UBR4: variants seen among roughly 807,000 people sequenced by gnomAD.
UBR4 encodes ubiquitin protein ligase E3 component n-recognin 4.
Under a neutral mutation model 575.6 loss-of-function variants are expected in UBR4, and 124 were observed. The ratio of observed to expected loss-of-function variants is 0.22; its 90% CI spans 0.19 to 0.25. The LOEUF (loss-of-function observed/expected upper bound fraction) is 0.25. UBR4 is among the 10% of genes least tolerant of loss of function. The probability of loss-of-function intolerance (pLI) is 1.00; values close to 1 mark genes in which losing one functional copy is unlikely to be tolerated. For synonymous variants in UBR4, 2,455 were observed against 2,473.7 expected (o/e 0.99, Z 0.22); for missense variants, 4,818 against 6,478.8 (o/e 0.74, Z 8.80).
intron 17 of UBR4, among the ~76,000 whole-genome samples, chr1:19,182,157 A>C (rs2091033563): frequency 6.6e-6 from 1 of 152,144 alleles, no homozygotes; most frequent in Admixed American, 6.5e-5. Flanking sequence ...AGGCTGTATA[A>C]CATTCATTGT....
rs564589454 is a variant in UBR4, at chr1:19,138,766, T to C, written c.8731+317A>G. 7.9e-5 allele frequency among the ~76,000 whole-genome samples: 12 copies of C among 152,328 alleles called. No individual in the cohort carries two copies. The South Asian group carries it at 1.7e-3, about 21-fold the overall frequency. On this transcript the variant is annotated intron_variant, in intron 59 of 105. Coordinates refer to ENST00000375254, the MANE Select transcript of UBR4 (RefSeq NM_020765.3). Reference sequence around the variant, plus strand: ...ACTGTTTTAGGCTAATCATGACTTATAATTATGCATATTATCGCAGTTTCA... The same window carrying C: ...ACTGTTTTAGGCTAATCATGACTTACAATTATGCATATTATCGCAGTTTCA...
rs1306379092 is a variant in UBR4 at position 19,110,256 on chromosome 1, C to A, written c.11978-33G>T. The A allele has an allele frequency of 6.2e-7, 1 of 1,614,036 alleles. No individual in the cohort carries two copies. Among genetic ancestry groups the A allele is most frequent in the Non-Finnish European group, 8.5e-7 (1 of 1,180,016 alleles). The stretch of plus-strand genomic sequence containing the variant: ...TGGTCAGGAAAGGCAGAGTCACAAT[C>A]AGGAACACTACACATCTGCTCTGCA... On this transcript the variant is annotated intron_variant, in intron 80 of 105. Transcript: ENST00000375254. The surrounding 1 kb of genome is among the most constrained non-coding windows in gnomAD (Gnocchi z 4.5).
Position 19,110,550 on chromosome 1 carries a change from G to T in UBR4, c.11893-86C>A. The T allele has an allele frequency of 6.8e-7, 1 of 1,470,104 alleles. No individual in the cohort carries two copies. Among genetic ancestry groups the T allele is most frequent in the Non-Finnish European group, 9.4e-7 (1 of 1,061,164 alleles). The allele number at this position is 1,470,104 out of a possible 1,614,324, so 91.1% of individuals were successfully genotyped here. On this transcript the variant is annotated intron_variant, in intron 79 of 105. Transcript: ENST00000375254. The surrounding 1 kb of genome is among the most constrained non-coding windows in gnomAD (Gnocchi z 4.5). ...ACTATTAATACAATTTCTGGTCCTA[G>T]GTGGCTCCAACAGAGACAAAGGACA...
At position 19,100,315 on chromosome 1, in the gene UBR4, G is replaced by A; in HGVS notation, c.13221+61C>T. On this transcript the variant is annotated intron_variant, in intron 89 of 105. Coordinates refer to ENST00000375254, the MANE Select transcript of UBR4 (RefSeq NM_020765.3). The surrounding 1 kb of genome is among the most constrained non-coding windows in gnomAD (Gnocchi z 4.2). ...CTACTAGGAAGAAGCACCTGGATTT[G>A]GTTAGCCTAGGAGGAAGCCCCTAAT... 6.3e-7 allele frequency: 1 copy of A among 1,581,164 alleles called. No individual in the cohort carries two copies. The highest frequency in any genetic ancestry group is 1.7e-5 in the Admixed American group (1 of 59,284).
chr1:19,168,846 T>C (rs1393332696), intron 27 of UBR4, among the ~76,000 whole-genome samples: 2 of 151,638 alleles, frequency 1.3e-5, no homozygotes, highest in African/African-American at 2.4e-5. Context: ...GGCGTGGTGG[T>C]GGGCGCCTGT....
At position 19,184,176 on chromosome 1, in the gene UBR4, C is replaced by G; in HGVS notation, c.1939-1G>C. ...AAATGTTGGAAGCCAGACCTAAGAA[C>G]TGAAAGGAACACACACAAAAAAGCT... On this transcript the variant is annotated splice_acceptor_variant, in intron 15 of 105. Transcript: ENST00000375254. LOFTEE classifies it high-confidence loss of function. The G allele has an allele frequency of 6.2e-7, 1 of 1,613,640 alleles. No homozygotes were observed. The highest frequency in any genetic ancestry group is 8.5e-7 in the Non-Finnish European group (1 of 1,179,776).
At position 19,137,147 on chromosome 1, in the gene UBR4, A is replaced by G. The variant is rs116419420; in HGVS notation, c.8906+860T>C. On this transcript the variant is annotated intron_variant, in intron 60 of 105. Transcript: ENST00000375254. ...AAACTCCATCTCTACAAAAAATACA[A>G]AAATTGGCCGGGCGTGGTACCGCAC... Among the ~76,000 whole-genome samples the G allele has an allele frequency of 5.6e-3, 848 of 152,104 alleles. 5 individuals are homozygous for G. The highest frequency in any genetic ancestry group is 8.9e-3 in the Non-Finnish European group (607 of 67,998).
intron 8 of UBR4, among the ~76,000 whole-genome samples, chr1:19,195,287 T>TAATAAC (rs1169779499): frequency 6.8e-6 from 1 of 147,908 alleles, no homozygotes; most frequent in African/African-American, 2.5e-5. Context: ...ATAATAATAA[T>TAATAAC]AATAGTAAAA....
Position 19,156,922 on chromosome 1 carries a change from T to C in UBR4, c.5764A>G (p.Thr1922Ala). 6.2e-7 allele frequency: 1 copy of C among 1,613,416 alleles called. No homozygotes were observed. The highest frequency in any genetic ancestry group is 8.5e-7 in the Non-Finnish European group (1 of 1,179,602). ...LAVSHEKGKI[T>A]VLQLSALLKQ... The stretch of plus-strand genomic sequence containing the variant: ...AGGAGTGCAGAGAGCTGCAGAACGG[T>C]GATCTGCAAAGGAACAATGACTAAT... The change falls in exon 41 of 106, where the codon ACC becomes GCC. Residue 1922 changes from threonine (T) to alanine (A), a missense_variant. Coordinates refer to ENST00000375254, the MANE Select transcript of UBR4 (RefSeq NM_020765.3).
intron 94 of UBR4, 112 bp downstream of exon 94, chr1:19,094,794 C>G: frequency 7.0e-7 from 1 of 1,422,674 alleles, no homozygotes; most frequent in Non-Finnish European, 9.5e-7. Flanking sequence ...AATGCTTAAG[C>G]AGGCTCCGCC....
At chr1:19,140,556 TG>T (rs1000072009) in intron 58 of UBR4, among the ~76,000 whole-genome samples, 1 of 152,142 alleles carries the variant, frequency 6.6e-6, no homozygotes, top group Non-Finnish European at 1.5e-5. Context: ...GGCTTTTCCG[TG>T]GGGAAGTAGC....
chr1:19,207,414 C>A (rs866148445), intron 1 of UBR4, among the ~76,000 whole-genome samples: 1 of 152,134 alleles, frequency 6.6e-6, no homozygotes, highest in Non-Finnish European at 1.5e-5. Flanking sequence ...GGATCACCTG[C>A]GGTCAGAAGT....
intron 62 of UBR4, 41 bp from the exon 63 acceptor site, chr1:19,127,780 G>C: frequency 6.7e-7 from 1 of 1,492,014 alleles, no homozygotes; most frequent in South Asian, 1.1e-5. Context: ...CTACTTACTC[G>C]ATGCTTGAGG....
chr1:19,167,926 T>C, intron 28 of UBR4, 101 bp downstream of exon 28: 1 of 1,285,320 alleles, frequency 7.8e-7, no homozygotes, highest in Non-Finnish European at 1.0e-6. Context: ...AAGAAGTATA[T>C]AAGAAAGCAT....
intron 66 of UBR4, 108 bp downstream of exon 66, chr1:19,122,725 T>G: frequency 8.0e-7 from 1 of 1,251,418 alleles, no homozygotes; most frequent in South Asian, 1.3e-5. Flanking sequence ...ACCATGCCAT[T>G]GTCAACACAG....
chr1:19,172,132 AGT>A (rs1050730460), intron 25 of UBR4, among the ~76,000 whole-genome samples: 1 of 152,234 alleles, frequency 6.6e-6, no homozygotes, highest in African/African-American at 2.4e-5. Context: ...TGCAATTTGC[AGT>A]GTTTGTTATA....
intron 49 of UBR4, 46 bp from the exon 50 acceptor site, chr1:19,148,672 G>A (rs758588777): frequency 3.0e-5 from 48 of 1,606,776 alleles, no homozygotes; most frequent in Admixed American, 5.0e-5. Context: ...CGTTCTCTCC[G>A]CCTTGCGCTT....
chr1:19,155,330 A>T, intron 43 of UBR4, 111 bp downstream of exon 43: 1 of 1,180,442 alleles, frequency 8.5e-7, no homozygotes, highest in Non-Finnish European at 1.2e-6. Context: ...AAAAAGATCC[A>T]GTTAGATGAA....
At chr1:19,148,746 C>T (rs2150197798) in intron 49 of UBR4, 120 bp from the exon 50 acceptor site, 1 of 1,076,120 alleles carries the variant, frequency 9.3e-7, no homozygotes, top group East Asian at 2.4e-5. Context: ...AATACAAAAT[C>T]AAAGCACAAT....
Sources: allele counts gnomAD v4.1 joint callset (sites outside exome capture counted in the v4.1 genomes callset), GRCh38; gene constraint gnomAD v4.1.1; non-coding constraint Gnocchi (gnomAD v3.1); transcripts MANE v1.5; gene names NCBI Gene and HGNC (gene_info 2026-07-23, HGNC 2026-07-21).